Variants in UTRN observed in about 807,000 individuals in gnomAD.
UTRN encodes the protein dystrophin-related protein 1.
In UTRN, 283 loss-of-function variants were observed where a neutral mutation model predicts 463.9. The ratio of observed to expected loss-of-function variants is 0.61; its 90% CI spans 0.55 to 0.67. The LOEUF is 0.67. Among genes scored for constraint, UTRN ranks in the 30% least tolerant of loss-of-function variants. UTRN has a pLI of 0.00. For missense variants in UTRN, 3,922 were observed against 4,084.3 expected (o/e 0.96, Z 1.08); for synonymous variants, 1,442 against 1,431.5 (o/e 1.01, Z -0.17).
intron 51 of UTRN, among the ~76,000 whole-genome samples, chr6:144,633,465 G>C (rs1413724113): frequency 6.6e-6 from 1 of 151,504 alleles, no homozygotes; most frequent in Admixed American, 6.6e-5. Flanking sequence ...ATCTCCTGAC[G>C]TCGTGATCCG....
At chr6:144,821,813 T>C (rs915742646) in intron 66 of UTRN, among the ~76,000 whole-genome samples, 2 of 152,146 alleles carry the variant, frequency 1.3e-5, no homozygotes, top group African/African-American at 4.8e-5. Context: ...TTTTCATATG[T>C]CAGGATAAAT....
intron 58 of UTRN, among the ~76,000 whole-genome samples, chr6:144,761,038 C>T (rs532780367): frequency 1.8e-4 from 27 of 152,170 alleles, no homozygotes; most frequent in East Asian, 1.9e-4. Flanking sequence ...AAGTGCACTG[C>T]GGTGGCTCCA....
At position 144,513,987 on chromosome 6, in the gene UTRN, T is replaced by G. The variant is rs114806014; in HGVS notation, c.5023T>G (p.Leu1675Val). ...CTGGCTTTATCAAGCTGAAGCTCTA[T>G]TGGATGAAATTGAAAAGAAACCAAC... ...STWLYQAEAL[L>V]DEIEKKPTSK... Residue 1675 changes from leucine (L) to valine (V), a missense_variant, in exon 36 of 75, where the codon TTG becomes GTG. Coordinates refer to ENST00000367545, the MANE Select transcript of UTRN (RefSeq NM_007124.3). 6.2e-7 allele frequency: 1 copy of G among 1,613,986 alleles called. No individual in the cohort carries two copies. Among genetic ancestry groups the G allele is most frequent in the Non-Finnish European group, 8.5e-7 (1 of 1,179,938 alleles).
At position 144,444,431 on chromosome 6, in the gene UTRN, C is replaced by A. The variant is rs766783919; in HGVS notation, c.1614+49C>A. The A allele has an allele frequency of 2.1e-6, 3 of 1,428,066 alleles. No homozygotes were observed. The African/African-American group carries it at 4.3e-5, about 20-fold the overall frequency. The allele number at this position is 1,428,066 out of a possible 1,614,324, so 88.5% of individuals were successfully genotyped here. On this transcript the variant is annotated intron_variant, in intron 14 of 74. Coordinates refer to ENST00000367545, the MANE Select transcript of UTRN (RefSeq NM_007124.3). ...GGCAAAATAAATGGTGAAAAGTAAC[C>A]CATCTTTTATTGTGACTTTAGAATA...
chr6:144,398,491 A>G (rs1327707369), intron 2 of UTRN: 12 of 343,246 alleles, frequency 3.5e-5, no homozygotes, highest in Non-Finnish European at 1.1e-5. Context: ...TTGGTTATCC[A>G]GGACAGTGAT....
intron 54 of UTRN, among the ~76,000 whole-genome samples, chr6:144,746,825 T>C (rs1790798919): frequency 6.6e-6 from 1 of 152,216 alleles, no homozygotes; most frequent in South Asian, 2.1e-4. Context: ...ATATTCAGCC[T>C]ATCTACCAGT....
chr6:144,813,529 A>G (rs1778814616), intron 65 of UTRN, among the ~76,000 whole-genome samples: 1 of 152,184 alleles, frequency 6.6e-6, no homozygotes, highest in Non-Finnish European at 1.5e-5. Context: ...TTTTCCTTCC[A>G]TTGGTAAAGC....
At chr6:144,782,154 G>A (rs373577037) in intron 61 of UTRN, 31 bp downstream of exon 61, 44 of 1,513,068 alleles carry the variant, frequency 2.9e-5, no homozygotes, top group Admixed American at 9.3e-5. Context: ...ATTAAAATAC[G>A]ATCACTGAAT....
chr6:144,495,970 A>C lies in UTRN; in HGVS notation c.4593+2514A>C, dbSNP rs1250625425. ...TGAACAGTCTACCGAGAAATGTTAA[A>C]ACATCAGGGCTCTAGTAAATAACCA... On this transcript the variant is annotated intron_variant, in intron 33 of 74. Coordinates refer to ENST00000367545, the MANE Select transcript of UTRN (RefSeq NM_007124.3). 2.0e-5 allele frequency among the ~76,000 whole-genome samples: 3 copies of C among 152,226 alleles called. No individual in the cohort carries two copies. In the East Asian group the frequency reaches 5.8e-4, roughly 29 times the overall value.
In UTRN at chr6:144,516,624, CTT is replaced by C. The variant is rs563165807; in HGVS notation, c.5404-185_5404-184del. On this transcript the variant is annotated intron_variant, in intron 38 of 74. Transcript: ENST00000367545. ...TATTATCTAATGTTTGCTAAACTCT[CTT>C]TGAGACATTTTATCTTCAAATATAA... is the stretch of plus-strand genomic sequence containing the variant. Among the ~76,000 whole-genome samples, 648 of 151,710 alleles carry C rather than the reference CTT, an allele frequency of 4.3e-3. 6 individuals carry two copies. The highest frequency in any genetic ancestry group is 0.013 in the African/African-American group (554 of 41,316).
At chr6:144,762,765 C>T (rs1415650438) in intron 58 of UTRN, among the ~76,000 whole-genome samples, 2 of 152,060 alleles carry the variant, frequency 1.3e-5, no homozygotes, top group East Asian at 1.9e-4. Context: ...TAAGTATCTG[C>T]GAGTAAGATG....
At chr6:144,317,485 C>A (rs1362657088) in intron 2 of UTRN, among the ~76,000 whole-genome samples, 1 of 152,042 alleles carries the variant, frequency 6.6e-6, no homozygotes, top group Admixed American at 6.6e-5. Flanking sequence ...CAACCTCTGC[C>A]TCTCGGGTTC....
At chr6:144,631,967 A>C (rs1381723631) in intron 51 of UTRN, among the ~76,000 whole-genome samples, 7 of 152,214 alleles carry the variant, frequency 4.6e-5, no homozygotes, top group Admixed American at 4.6e-4. Flanking sequence ...TTTGGATGTT[A>C]AGAAAAAGTC....
chr6:144,327,957 A>G (rs958062310), intron 2 of UTRN, among the ~76,000 whole-genome samples: 1 of 152,162 alleles, frequency 6.6e-6, no homozygotes, highest in African/African-American at 2.4e-5. Context: ...AACACAAAAC[A>G]AAACAAAACA....
chr6:144,776,069 G>T (rs1180715952), intron 60 of UTRN, among the ~76,000 whole-genome samples: 1 of 152,102 alleles, frequency 6.6e-6, no homozygotes, highest in Non-Finnish European at 1.5e-5. Context: ...TTCTCCCACT[G>T]CCCTCCAGCC....
intron 52 of UTRN, among the ~76,000 whole-genome samples, chr6:144,692,638 GA>G (rs1783549553): frequency 2.0e-5 from 3 of 152,028 alleles, no homozygotes; most frequent in Non-Finnish European, 4.4e-5. Context: ...TTTCTCTAAT[GA>G]TCAGTGATGT....
At chr6:144,500,656 T>C (rs1263453395) in intron 34 of UTRN, among the ~76,000 whole-genome samples, 1 of 152,182 alleles carries the variant, frequency 6.6e-6, no homozygotes, top group Non-Finnish European at 1.5e-5. Context: ...TTAATAACAT[T>C]TTAAAACCAA....
chr6:144,809,442 T>C (rs7759754), intron 65 of UTRN, among the ~76,000 whole-genome samples: 16,820 of 152,140 alleles, frequency 0.11, 1,083 homozygotes, highest in South Asian at 0.18. Flanking sequence ...TGTGGTTGAT[T>C]TGAGGTATCC....
At position 144,732,655 on chromosome 6, in the gene UTRN, C is replaced by CATGTTATGTTATGTT. The variant is rs57770911; in HGVS notation, c.7939+2227_7939+2241dup. ...TGACATTTATTGTTTCATTTTATGT[C>CATGTTATGTTATGTT]ATGTTATGTTATGTTATGTTATGTT... On this transcript the variant is annotated intron_variant, in intron 54 of 74. Transcript: ENST00000367545. 5.5e-3 allele frequency among the ~76,000 whole-genome samples: 694 copies of CATGTTATGTTATGTT among 126,318 alleles called. 14 individuals carry two copies. Among genetic ancestry groups the CATGTTATGTTATGTT allele is most frequent in the East Asian group, 0.011 (45 of 4,140 alleles). 82.9% of individuals were successfully genotyped at this position (126,318 alleles called of 152,430 possible). A position where few individuals can be genotyped will look rare whatever the true frequency, so the allele number is the denominator to read the frequency against.
Sources: allele counts gnomAD v4.1 joint callset (sites outside exome capture counted in the v4.1 genomes callset), GRCh38; gene constraint gnomAD v4.1.1; transcripts MANE v1.5; gene names NCBI Gene and HGNC (gene_info 2026-07-23, HGNC 2026-07-21).